Variants in COL5A2 observed in about 807,000 individuals in gnomAD.
The protein encoded by COL5A2 is collagen alpha-2(V) chain.
COL5A2 carries 23 observed loss-of-function variants against 208.2 expected under a neutral mutation model. The ratio of observed to expected loss-of-function variants is 0.11; its 90% CI spans 0.08 to 0.16. The LOEUF is 0.16. COL5A2 is among the 10% of genes least tolerant of loss of function. COL5A2 has a pLI of 1.00. For missense variants in COL5A2, 1,590 were observed against 1,956.4 expected, an observed-to-expected ratio of 0.81 and a Z score of 3.53; for synonymous variants, 625 against 628.5, an observed-to-expected ratio of 0.99 and a Z score of 0.08.
chr2:189,299,271 T>TA, the COL5A2 span, among the ~76,000 whole-genome samples: 465 of 152,054 alleles, frequency 3.1e-3, 3 homozygotes, highest in African/African-American at 9.1e-3. Flanking sequence ...CCATTGACTT[T>TA]AAAAAAAACA....
At chr2:189,420,032 A>G in the COL5A2 span, among the ~76,000 whole-genome samples, 2 of 146,910 alleles carry the variant, frequency 1.4e-5, no homozygotes, top group Admixed American at 6.8e-5. Context: ...GGAGGAAAAG[A>G]AAGAGAATAA....
the COL5A2 span, among the ~76,000 whole-genome samples, chr2:189,359,073 C>A: frequency 6.6e-6 from 1 of 151,992 alleles, no homozygotes; most frequent in Non-Finnish European, 1.5e-5. Flanking sequence ...TCTCTTTTTA[C>A]TGATTGCTTT....
chr2:189,437,352 C>G, the COL5A2 span, among the ~76,000 whole-genome samples: 4 of 152,202 alleles, frequency 2.6e-5, no homozygotes, highest in Admixed American at 2.0e-4. Flanking sequence ...TGTTAGAATG[C>G]AGATTCTGAT....
intron 3 of COL5A2, among the ~76,000 whole-genome samples, chr2:189,101,789 G>C (rs1687050621): frequency 2.0e-5 from 3 of 152,004 alleles, no homozygotes; most frequent in Non-Finnish European, 4.4e-5. Flanking sequence ...GAATCCAAAA[G>C]AAGGAAAGGG....
the COL5A2 span, among the ~76,000 whole-genome samples, chr2:189,405,859 G>C: frequency 6.6e-6 from 1 of 152,156 alleles, no homozygotes; most frequent in South Asian, 2.1e-4. Flanking sequence ...TAAAACCCAT[G>C]TCAAGACTTA....
chr2:189,380,645 A>C, the COL5A2 span, among the ~76,000 whole-genome samples: 5 of 151,694 alleles, frequency 3.3e-5, no homozygotes, highest in East Asian at 1.9e-4. Context: ...AAAATATAAA[A>C]ATTTTTTTAA....
the COL5A2 span, among the ~76,000 whole-genome samples, chr2:189,276,417 T>G: frequency 6.6e-6 from 1 of 152,166 alleles, no homozygotes; most frequent in South Asian, 2.1e-4. Context: ...TGTTGCTCAC[T>G]TACAGTAAAT....
intron 1 of COL5A2, among the ~76,000 whole-genome samples, chr2:189,157,636 T>C (rs893468794): frequency 1.2e-4 from 19 of 152,106 alleles, no homozygotes; most frequent in African/African-American, 4.3e-4. Flanking sequence ...AAAAGGAAGA[T>C]TGGAATGTAA....
intron 1 of COL5A2, among the ~76,000 whole-genome samples, chr2:189,211,121 G>A (rs1019764908): frequency 2.4e-4 from 36 of 152,158 alleles, no homozygotes; most frequent in Non-Finnish European, 3.1e-4. Flanking sequence ...AGCGAAAGAC[G>A]TGGGTAAATT....
upstream of COL5A2, among the ~76,000 whole-genome samples, chr2:189,183,459 C>A (rs976912289): frequency 6.6e-6 from 1 of 152,104 alleles, no homozygotes; most frequent in African/African-American, 2.4e-5. Context: ...ATGTTAATTA[C>A]TCCTAGTCAA....
At chr2:189,418,724 T>G in the COL5A2 span, among the ~76,000 whole-genome samples, 2 of 152,320 alleles carry the variant, frequency 1.3e-5, no homozygotes, top group Admixed American at 6.5e-5. Flanking sequence ...AATGGCCACT[T>G]GATCCTTTTA....
rs184263057 is a variant in COL5A2 at position 189,132,852 on chromosome 2, C to T, written c.98-22403G>A. On this transcript the variant is annotated intron_variant, in intron 1 of 53. Transcript: ENST00000374866. ...AGGAGAATCGCTTGAATCCAGGAGG[C>T]AGAGATTGCAGCGAGCTGAGATCGC... 9.6e-4 allele frequency among the ~76,000 whole-genome samples: 146 copies of T among 151,736 alleles called. 1 individual carries two copies. Among genetic ancestry groups the T allele is most frequent in the Admixed American group, 7.5e-3 (115 of 15,236 alleles).
chr2:189,147,392 C>A (rs911433692), intron 1 of COL5A2, among the ~76,000 whole-genome samples: 1 of 152,072 alleles, frequency 6.6e-6, no homozygotes, highest in Admixed American at 6.6e-5. Context: ...CAGAATTCAG[C>A]GAAGACCCTG....
At chr2:189,045,660 A>G (rs1685650598) in intron 46 of COL5A2, 140 bp downstream of exon 46, 1 of 747,982 alleles carries the variant, frequency 1.3e-6, no homozygotes, top group African/African-American at 1.7e-5. Flanking sequence ...ATAGTAGTTC[A>G]TAATTAGCTG....
chr2:189,220,718 GT>G (rs1196389961), intron 1 of COL5A2, among the ~76,000 whole-genome samples: 1 of 152,126 alleles, frequency 6.6e-6, no homozygotes, highest in East Asian at 1.9e-4. Flanking sequence ...ATCACCAGCA[GT>G]TACAATACTT....
intron 1 of COL5A2, chr2:189,133,035 T>C (rs1366016644): frequency 6.5e-6 from 1 of 153,070 alleles, no homozygotes; most frequent in Non-Finnish European, 1.5e-5. Flanking sequence ...GAATATAGAA[T>C]GCTCTTGGGC....
Position 189,034,108 on chromosome 2 carries a change from C to T in COL5A2, c.4462G>A (p.Glu1488Lys), listed in dbSNP as rs866431950. The T allele has an allele frequency of 6.2e-7, 1 of 1,614,060 alleles. No homozygotes were observed. Among genetic ancestry groups the T allele is most frequent in the Non-Finnish European group, 8.5e-7 (1 of 1,179,936 alleles). Residue 1488 changes from glutamate to lysine, a missense_variant, in exon 54 of 54, where the codon GAA (glutamate) becomes AAA (lysine). By Grantham distance (56) the Glu-to-Lys change is moderately conservative. Coordinates refer to ENST00000374866, the MANE Select transcript of COL5A2 (RefSeq NM_000393.5). ...APVDVGGTDQEFGVEIGPVCF... is the reference protein window; with the variant it reads ...APVDVGGTDQKFGVEIGPVCF... ...ACTGGCCCAATTTCAACGCCGAATT[C>T]CTGGTCTGTGCCGCCAACATCCACA...
At chr2:189,059,232 A>C (rs890700688) in intron 31 of COL5A2, among the ~76,000 whole-genome samples, 5 of 152,118 alleles carry the variant, frequency 3.3e-5, no homozygotes, top group African/African-American at 9.7e-5. Flanking sequence ...ATGGAAGATG[A>C]AAAAGTTTAA....
rs376971803 is a variant in COL5A2 at position 189,039,464 on chromosome 2, G to A, written c.3733C>T (p.Pro1245Ser). ...DIMGHYDESMPDPLPEFTEDQ... is the reference protein window; with the variant it reads ...DIMGHYDESMSDPLPEFTEDQ... ...TCAGTAAACTCAGGAAGTGGATCTG[G>A]CATGCTTTCATCATAGTGCCCCATG... The change falls in exon 51 of 54, where the codon CCA becomes TCA. Residue 1245 changes from proline (P) to serine (S), a missense_variant. Physicochemically the swap from Pro to Ser is moderately conservative, Grantham distance 74 (BLOSUM62 -1). Transcript: ENST00000374866. 1.5e-5 allele frequency: 24 copies of A among 1,613,934 alleles called. No homozygotes were observed. In the African/African-American group the frequency reaches 3.1e-4, roughly 21 times the overall value.
Sources: gnomAD v4.1 joint callset for allele counts (sites outside exome capture counted in the v4.1 genomes callset) on GRCh38, gnomAD v4.1.1 for gene constraint, MANE v1.5 for transcripts, NCBI Gene and HGNC (gene_info 2026-07-23, HGNC 2026-07-21) for gene names.